The following CNTNAP2 variants were observed in gnomAD, a reference collection of about 807,000 sequenced individuals.
The protein encoded by CNTNAP2 is contactin associated protein 2, also known as contactin-associated protein-like 2.
CNTNAP2 carries 98 observed loss-of-function variants against 155.2 expected under a neutral mutation model. That is an observed-to-expected ratio of 0.63 (90% CI 0.54 to 0.75). The LOEUF (loss-of-function observed/expected upper bound fraction) is 0.75. Among genes scored for constraint, CNTNAP2 ranks in the 30% least tolerant of loss-of-function variants. CNTNAP2 has a pLI of 0.00. For missense variants in CNTNAP2, 1,727 were observed against 1,688.1 expected (o/e 1.02, Z -0.40); for synonymous variants, 651 against 631.2 (o/e 1.03, Z -0.47).
intron 11 of CNTNAP2, among the ~76,000 whole-genome samples, chr7:147,491,913 CA>C (rs1183861390): frequency 2.6e-5 from 4 of 151,350 alleles, no homozygotes; most frequent in Non-Finnish European, 5.9e-5. Flanking sequence ...AGGATATTAG[CA>C]AAAAAAATCT....
chr7:146,987,638 A>G (rs1197583720), intron 3 of CNTNAP2, among the ~76,000 whole-genome samples: 2 of 152,108 alleles, frequency 1.3e-5, no homozygotes, highest in African/African-American at 4.8e-5. Context: ...GCTGTGTAGT[A>G]TAGTTACTGT....
intron 11 of CNTNAP2, among the ~76,000 whole-genome samples, chr7:147,516,338 T>C (rs560026682): frequency 1.3e-5 from 2 of 152,264 alleles, no homozygotes; most frequent in East Asian, 3.9e-4. Flanking sequence ...TTCTCTTAAT[T>C]TTTTCAATTA....
At chr7:147,518,691 T>C in intron 11 of CNTNAP2, among the ~76,000 whole-genome samples, 1 of 152,154 alleles carries the variant, frequency 6.6e-6, no homozygotes, top group East Asian at 1.9e-4. Flanking sequence ...GTGCTTTGAT[T>C]TTGCTATCAC....
At chr7:147,879,540 T>A (rs757061903) in intron 13 of CNTNAP2, among the ~76,000 whole-genome samples, 1 of 152,122 alleles carries the variant, frequency 6.6e-6, no homozygotes, top group Non-Finnish European at 1.5e-5. Flanking sequence ...GCAATAAAAA[T>A]TCAGCAATCT....
At chr7:147,807,705 G>A (rs564589841) in intron 13 of CNTNAP2, among the ~76,000 whole-genome samples, 1 of 152,206 alleles carries the variant, frequency 6.6e-6, no homozygotes, top group African/African-American at 2.4e-5. Flanking sequence ...AGCAGATAAG[G>A]CAGACCAACA....
At chr7:148,361,295 A>G (rs1415876581) in intron 21 of CNTNAP2, among the ~76,000 whole-genome samples, 4 of 152,154 alleles carry the variant, frequency 2.6e-5, no homozygotes, top group African/African-American at 9.7e-5. Flanking sequence ...CTGCCTTCAT[A>G]TCTCCTTTCC....
At chr7:146,304,455 G>C (rs947671082) in intron 1 of CNTNAP2, among the ~76,000 whole-genome samples, 3 of 152,034 alleles carry the variant, frequency 2.0e-5, no homozygotes, top group Non-Finnish European at 4.4e-5. Context: ...GCTCTTGTAA[G>C]GCAGGCCTGG....
intron 14 of CNTNAP2, among the ~76,000 whole-genome samples, chr7:147,950,171 G>A (rs1800900544): frequency 6.6e-6 from 1 of 151,880 alleles, no homozygotes; most frequent in East Asian, 1.9e-4. Context: ...AGTATAGTAA[G>A]GGAGGCACAG....
intron 1 of CNTNAP2, among the ~76,000 whole-genome samples, chr7:146,704,310 G>GT (rs748124546): frequency 3.8e-4 from 58 of 152,202 alleles, no homozygotes; most frequent in Admixed American, 7.2e-4. Flanking sequence ...CTAAATTATA[G>GT]TCTAGTAGTG....
At chr7:147,320,868 C>G (rs900951025) in intron 9 of CNTNAP2, among the ~76,000 whole-genome samples, 1 of 152,154 alleles carries the variant, frequency 6.6e-6, no homozygotes, top group African/African-American at 2.4e-5. Flanking sequence ...GGGCTGCATG[C>G]TTTCATAACT....
chr7:146,396,845 A>G (rs987098254), intron 1 of CNTNAP2, among the ~76,000 whole-genome samples: 1 of 151,908 alleles, frequency 6.6e-6, no homozygotes, highest in Non-Finnish European at 1.5e-5. Context: ...AAAGGTTTTT[A>G]TTTGCTTAGA....
At chr7:147,732,286 T>C (rs919428314) in intron 13 of CNTNAP2, among the ~76,000 whole-genome samples, 1 of 146,370 alleles carries the variant, frequency 6.8e-6, no homozygotes, top group African/African-American at 2.5e-5. Flanking sequence ...GAATATGTGG[T>C]GTTTGGTTTT....
Position 148,415,745 on chromosome 7 carries a change from A to C in CNTNAP2, c.*129A>C. 1.1e-6 allele frequency: 1 copy of C among 901,214 alleles called. No individual in the cohort carries two copies. The highest frequency in any genetic ancestry group is 1.7e-6 in the Non-Finnish European group (1 of 575,350). The allele number at this position is 901,214 out of a possible 1,614,324, so 55.8% of individuals were successfully genotyped here. The stretch of plus-strand genomic sequence containing the variant: ...TCAGCACAAGTTGGGGGAGGCAGGC[A>C]ATGGAATATAATGGAATATTCTTGA... On this transcript the variant is annotated 3_prime_UTR_variant, in exon 24 of 24. Transcript: ENST00000361727.
chr7:147,149,514 G>A lies in CNTNAP2; in HGVS notation c.1348+17005G>A, dbSNP rs572761492. ...AAATTAGTTTGGAGAGGTAGGTAGA[G>A]GCCAGATTATGGAAGGTATAATAAA... On this transcript the variant is annotated intron_variant, in intron 8 of 23. Transcript: ENST00000361727. Among the ~76,000 whole-genome samples the A allele has an allele frequency of 1.6e-4, 25 of 152,310 alleles. No individual in the cohort carries two copies. In the South Asian group the frequency reaches 4.8e-3, roughly 29 times the overall value.
chr7:146,741,109 C>T (rs575162631), intron 1 of CNTNAP2, among the ~76,000 whole-genome samples: 1 of 152,210 alleles, frequency 6.6e-6, no homozygotes. Flanking sequence ...CATCTCTTTC[C>T]ATACTGTGCT....
chr7:148,018,709 G>A (rs1358399456), intron 15 of CNTNAP2, among the ~76,000 whole-genome samples: 1 of 152,196 alleles, frequency 6.6e-6, no homozygotes, highest in Non-Finnish European at 1.5e-5. Context: ...CTCCACAATG[G>A]CTTCCAGCCC....
chr7:146,662,280 G>A (rs1201223209), intron 1 of CNTNAP2, among the ~76,000 whole-genome samples: 3 of 152,106 alleles, frequency 2.0e-5, no homozygotes, highest in African/African-American at 7.2e-5. Context: ...TGGAATTATA[G>A]GCGCCCGCCA....
chr7:146,322,611 G>C (rs1475543686), intron 1 of CNTNAP2, among the ~76,000 whole-genome samples: 3 of 122,534 alleles, frequency 2.4e-5, no homozygotes, highest in Non-Finnish European at 5.1e-5. Context: ...CTGTGAATAA[G>C]AGGAGACTGT....
intron 3 of CNTNAP2, among the ~76,000 whole-genome samples, chr7:146,931,028 G>A (rs1195829304): frequency 1.7e-4 from 26 of 151,912 alleles, no homozygotes; most frequent in East Asian, 1.2e-3. Flanking sequence ...ACAGATCAAC[G>A]AGACAGAAAG....
Sources: allele counts gnomAD v4.1 joint callset (sites outside exome capture counted in the v4.1 genomes callset), GRCh38; gene constraint gnomAD v4.1.1; transcripts MANE v1.5; gene names NCBI Gene and HGNC (gene_info 2026-07-23, HGNC 2026-07-21).